Variants in WARS2 observed in about 807,000 individuals in gnomAD.
The protein encoded by WARS2 is tryptophanyl tRNA synthetase 2, mitochondrial.
WARS2 carries 28 observed loss-of-function variants against 36.5 expected under a neutral mutation model. The observed-to-expected ratio is 0.77, with a 90% CI of 0.57 to 1.05. The LOEUF is 1.05. Among genes scored for constraint, WARS2 ranks in the 50% least tolerant of loss-of-function variants. WARS2 has a pLI of 0.00. For missense variants in WARS2, 435 were observed against 456.8 expected (o/e 0.95, Z 0.44); for synonymous variants, 174 against 178.4 (o/e 0.98, Z 0.20).
At chr1:119,074,264 C>T (rs944744533) in intron 2 of WARS2, among the ~76,000 whole-genome samples, 1 of 152,094 alleles carries the variant, frequency 6.6e-6, no homozygotes, top group African/African-American at 2.4e-5. Context: ...ACCAAGAAGG[C>T]GAGAGACCCA....
At chr1:119,084,355 G>A (rs587722861) in intron 1 of WARS2, among the ~76,000 whole-genome samples, 10 of 152,168 alleles carry the variant, frequency 6.6e-5, no homozygotes, top group African/African-American at 2.4e-4. Context: ...GAAATAGACA[G>A]AGGCGATGGT....
At chr1:119,133,042 A>C (rs1557761930) in intron 1 of WARS2, among the ~76,000 whole-genome samples, 1 of 152,210 alleles carries the variant, frequency 6.6e-6, no homozygotes, top group Non-Finnish European at 1.5e-5. Flanking sequence ...TCAGCCATCA[A>C]CTTTAGCTCT....
chr1:119,104,592 T>C (rs1319420448), intron 1 of WARS2, among the ~76,000 whole-genome samples: 2 of 145,102 alleles, frequency 1.4e-5, no homozygotes, highest in Admixed American at 6.9e-5. Context: ...CAAATAACAA[T>C]GATAAATACA....
At chr1:119,123,800 CCTCCT>C (rs1655481229) in intron 1 of WARS2, among the ~76,000 whole-genome samples, 1 of 151,868 alleles carries the variant, frequency 6.6e-6, no homozygotes, top group African/African-American at 2.4e-5. Flanking sequence ...CCCTCCTTCC[CCTCCT>C]CTCCTCTCTT....
intron 1 of WARS2, among the ~76,000 whole-genome samples, chr1:119,129,069 G>C (rs185032076): frequency 3.3e-5 from 5 of 152,278 alleles, no homozygotes; most frequent in Non-Finnish European, 7.4e-5. Flanking sequence ...AAGTATAACT[G>C]GTTCTGGATT....
intron 2 of WARS2, among the ~76,000 whole-genome samples, chr1:119,066,501 A>G (rs1359314615): frequency 6.7e-6 from 1 of 149,460 alleles, no homozygotes; most frequent in Non-Finnish European, 1.5e-5. Context: ...AAAAAAAAAG[A>G]CAAGCTACAA....
At chr1:119,040,558 C>T (rs147679818) in intron 4 of WARS2, among the ~76,000 whole-genome samples, 561 of 152,288 alleles carry the variant, frequency 3.7e-3, no homozygotes, top group Non-Finnish European at 6.0e-3. Flanking sequence ...GTGATCCTCC[C>T]GCCTCAGCCT....
At chr1:119,035,637 T>A (rs1465113142) in intron 4 of WARS2, among the ~76,000 whole-genome samples, 1 of 152,166 alleles carries the variant, frequency 6.6e-6, no homozygotes, top group Non-Finnish European at 1.5e-5. Context: ...CACCAGATCA[T>A]TTTCCTTTTT....
chr1:119,037,903 G>GT (rs1238819046), intron 4 of WARS2, among the ~76,000 whole-genome samples: 1 of 152,196 alleles, frequency 6.6e-6, no homozygotes, highest in Admixed American at 6.5e-5. Flanking sequence ...TATTAGACTA[G>GT]TGAAATAGCC....
At chr1:119,123,615 C>T (rs1655468480) in intron 1 of WARS2, among the ~76,000 whole-genome samples, 1 of 152,080 alleles carries the variant, frequency 6.6e-6, no homozygotes, top group African/African-American at 2.4e-5. Flanking sequence ...CACACACACA[C>T]ACACACACGT....
At chr1:119,125,096 T>C (rs1483850152) in intron 1 of WARS2, among the ~76,000 whole-genome samples, 1 of 152,194 alleles carries the variant, frequency 6.6e-6, no homozygotes, top group East Asian at 1.9e-4. Flanking sequence ...AAGTGCTATA[T>C]AGTATTTGTT....
intron 4 of WARS2, among the ~76,000 whole-genome samples, chr1:119,034,682 T>C (rs984884817): frequency 2.0e-5 from 3 of 152,212 alleles, no homozygotes; most frequent in African/African-American, 7.2e-5. Context: ...GAGTTTTTCC[T>C]CCCTGTCACA....
chr1:119,061,181 A>G (rs1650348377), intron 2 of WARS2, among the ~76,000 whole-genome samples: 1 of 152,250 alleles, frequency 6.6e-6, no homozygotes, highest in African/African-American at 2.4e-5. Flanking sequence ...ATATTAAAAA[A>G]TAGGTAAACA....
intron 2 of WARS2, among the ~76,000 whole-genome samples, chr1:119,072,600 A>G (rs975310898): frequency 1.3e-4 from 20 of 152,166 alleles, no homozygotes; most frequent in Non-Finnish European, 2.8e-4. Context: ...AGGCATAAAA[A>G]AAAGAGACTT....
At chr1:119,061,745 T>G (rs934756443) in intron 2 of WARS2, among the ~76,000 whole-genome samples, 3 of 152,054 alleles carry the variant, frequency 2.0e-5, no homozygotes, top group Non-Finnish European at 4.4e-5. Context: ...TATTAGTTAA[T>G]GGAATCTAGT....
chr1:119,083,692 T>A (rs1652385275), intron 1 of WARS2, among the ~76,000 whole-genome samples: 1 of 152,200 alleles, frequency 6.6e-6, no homozygotes, highest in Non-Finnish European at 1.5e-5. Flanking sequence ...GCAGCTAATC[T>A]ATATTTAAAT....
rs1279879784 is a variant in WARS2 at position 119,031,243 on chromosome 1, T to C, written c.*1668A>G. ...GGCTTGATAGATCTACCTTTAGTTT[T>C]GTCATTTTCCAGTATTCACAATCCT... On this transcript the variant is annotated 3_prime_UTR_variant, in exon 6 of 6. Coordinates refer to ENST00000235521, the MANE Select transcript of WARS2 (RefSeq NM_015836.4). The C allele has an allele frequency of 1.3e-5, 2 of 152,256 alleles. No individual in the cohort carries two copies. Among genetic ancestry groups the C allele is most frequent in the Admixed American group, 1.3e-4 (2 of 15,290 alleles). 9.4% of individuals were successfully genotyped at this position (152,256 alleles called of 1,614,324 possible).
intron 2 of WARS2, among the ~76,000 whole-genome samples, chr1:119,051,542 TG>T (rs1201899514): frequency 2.0e-5 from 3 of 152,270 alleles, no homozygotes; most frequent in Non-Finnish European, 4.4e-5. Flanking sequence ...TACATTCCTT[TG>T]GGTATATACC....
intron 2 of WARS2, among the ~76,000 whole-genome samples, chr1:119,046,368 A>T (rs866120768): frequency 1.5e-4 from 19 of 124,028 alleles, no homozygotes; most frequent in Middle Eastern, 6.0e-3. Flanking sequence ...TTTTTTTTTG[A>T]GACAGAGTCT....
Sources: gnomAD v4.1 joint callset for allele counts (sites outside exome capture counted in the v4.1 genomes callset) on GRCh38, gnomAD v4.1.1 for gene constraint, MANE v1.5 for transcripts, NCBI Gene and HGNC (gene_info 2026-07-23, HGNC 2026-07-21) for gene names.